The following PCDH15 variants were observed in gnomAD, a reference collection of about 807,000 sequenced individuals.
PCDH15 encodes the protein protocadherin related 15, also known as protocadherin-15.
PCDH15 carries 129 observed loss-of-function variants against 178.5 expected under a neutral mutation model. The ratio of observed to expected loss-of-function variants is 0.72; its 90% CI spans 0.63 to 0.84. The LOEUF is 0.84. Ranked by LOEUF, PCDH15 falls within the 40% of genes least tolerant of loss-of-function variation. The pLI is 0.00. For missense variants in PCDH15, 2,230 were observed against 2,099.9 expected (o/e 1.06, Z -1.21); for synonymous variants, 800 against 732.0 (o/e 1.09, Z -1.50).
chr10:54,644,728 A>G (rs1039580543), intron 2 of PCDH15, among the ~76,000 whole-genome samples: 1 of 152,130 alleles, frequency 6.6e-6, no homozygotes, highest in Admixed American at 6.6e-5. Flanking sequence ...TTATGGTTTC[A>G]ATATTTGCAT....
intron 1 of PCDH15, among the ~76,000 whole-genome samples, chr10:55,288,981 C>T (rs1046132714): frequency 6.6e-6 from 1 of 151,740 alleles, no homozygotes; most frequent in Non-Finnish European, 1.5e-5. Flanking sequence ...GCTTTTTGGT[C>T]AGCTATTTAA....
intron 2 of PCDH15, among the ~76,000 whole-genome samples, chr10:55,102,327 G>T (rs988777477): frequency 6.6e-6 from 1 of 151,892 alleles, no homozygotes; most frequent in Non-Finnish European, 1.5e-5. Flanking sequence ...CTTTCAGAGA[G>T]CCCATTAGAG....
rs182934292 is a variant in PCDH15 at position 55,157,889 on chromosome 10, C to G, written c.-80+8687G>C. Among the ~76,000 whole-genome samples, 6 of 151,838 alleles carry G rather than the reference C, an allele frequency of 4.0e-5. No homozygotes were observed. The South Asian group carries it at 6.2e-4, about 16-fold the overall frequency. ...TAAATGGGTGCAGCACACCAACATG[C>G]CACATGTATACATATGTAACAAACA... On this transcript the variant is annotated intron_variant, in intron 2 of 5. Transcript: ENST00000458638.
At chr10:55,078,770 A>T (rs1317942702) in intron 2 of PCDH15, among the ~76,000 whole-genome samples, 4 of 151,244 alleles carry the variant, frequency 2.6e-5, no homozygotes, top group African/African-American at 9.7e-5. Flanking sequence ...TTTATCCCTC[A>T]CCCCCTTCCC....
rs1057230614 is a variant in PCDH15 at position 54,296,014 on chromosome 10, G to A, written c.876+21257C>T. ...CAAAAAATTAGCCGGGCGTAGTGGC[G>A]GGCGCCTGTGGTCCCAGCTACTTGG... On this transcript the variant is annotated intron_variant, in intron 8 of 37. Coordinates refer to ENST00000644397, the MANE Select transcript of PCDH15 (RefSeq NM_001384140.1). Among the ~76,000 whole-genome samples, 14 of 149,908 alleles carry A rather than the reference G, an allele frequency of 9.3e-5. No homozygotes were observed. In the South Asian group the frequency reaches 1.3e-3, roughly 14 times the overall value.
chr10:53,892,412 C>G (rs143384420), intron 26 of PCDH15, among the ~76,000 whole-genome samples: 35 of 151,964 alleles, frequency 2.3e-4, no homozygotes, highest in Admixed American at 5.9e-4. Flanking sequence ...ATAAGTAATA[C>G]GAATTAAAGC....
chr10:54,520,189 C>T (rs1370829155), intron 3 of PCDH15, among the ~76,000 whole-genome samples: 3 of 152,084 alleles, frequency 2.0e-5, no homozygotes, highest in Non-Finnish European at 4.4e-5. Flanking sequence ...AAAGCAATGG[C>T]AACAAAAGCC....
intron 2 of PCDH15, among the ~76,000 whole-genome samples, chr10:55,470,455 T>C (rs576203763): frequency 6.6e-6 from 1 of 152,324 alleles, no homozygotes; most frequent in African/African-American, 2.4e-5. Context: ...TTCTTCCTTC[T>C]ATTTATTTTA....
intron 32 of PCDH15, chr10:53,821,838 C>T (rs2076287210): frequency 6.2e-7 from 1 of 1,611,312 alleles, no homozygotes; most frequent in East Asian, 2.2e-5. Context: ...GTTTGCCCGA[C>T]TAAAATAAGA....
At chr10:55,236,196 T>C (rs934941779) in intron 1 of PCDH15, among the ~76,000 whole-genome samples, 3 of 152,068 alleles carry the variant, frequency 2.0e-5, no homozygotes, top group African/African-American at 7.3e-5. Flanking sequence ...GCAGACGTCT[T>C]GTTGCATATT....
intron 25 of PCDH15, among the ~76,000 whole-genome samples, chr10:53,908,687 A>G (rs2082851470): frequency 6.6e-6 from 1 of 152,208 alleles, no homozygotes; most frequent in African/African-American, 2.4e-5. Context: ...TAAAAAACAT[A>G]CACTAGACTA....
chr10:54,744,022 C>CT (rs1462568071), intron 1 of PCDH15, among the ~76,000 whole-genome samples: 1 of 152,104 alleles, frequency 6.6e-6, no homozygotes, highest in Non-Finnish European at 1.5e-5. Flanking sequence ...GTCTAGATGA[C>CT]AAAAGCCTTT....
intron 3 of PCDH15, among the ~76,000 whole-genome samples, chr10:54,445,228 A>C (rs1589444358): frequency 6.6e-6 from 1 of 151,298 alleles, no homozygotes; most frequent in African/African-American, 2.4e-5. Context: ...GTATGTAAAA[A>C]TTTACCCATC....
intron 1 of PCDH15, among the ~76,000 whole-genome samples, chr10:55,171,851 G>T (rs991104333): frequency 2.0e-5 from 3 of 151,816 alleles, no homozygotes; most frequent in African/African-American, 4.8e-5. Context: ...ATGTTGAATG[G>T]CTAAATAGTA....
chr10:54,114,071 C>T (rs1010257179), intron 15 of PCDH15, among the ~76,000 whole-genome samples: 6 of 152,146 alleles, frequency 3.9e-5, no homozygotes, highest in Non-Finnish European at 8.8e-5. Flanking sequence ...TCCCACAACA[C>T]GTGGGGATTA....
At chr10:54,992,421 C>T (rs923511879) in intron 2 of PCDH15, among the ~76,000 whole-genome samples, 7 of 152,112 alleles carry the variant, frequency 4.6e-5, no homozygotes, top group African/African-American at 1.4e-4. Flanking sequence ...CAGACCCGCC[C>T]TCAGCAACAT....
chr10:54,999,655 C>T (rs1205787411), intron 2 of PCDH15, among the ~76,000 whole-genome samples: 1 of 152,174 alleles, frequency 6.6e-6, no homozygotes, highest in Non-Finnish European at 1.5e-5. Context: ...GCTCTGCCCC[C>T]TACTGAGTTG....
chr10:55,530,035 C>G (rs1841415096), intron 2 of PCDH15, among the ~76,000 whole-genome samples: 1 of 151,372 alleles, frequency 6.6e-6, no homozygotes. Context: ...AGTGAAGTCA[C>G]CTTTATTAAA....
At chr10:54,960,587 T>C (rs1037566246) in intron 2 of PCDH15, among the ~76,000 whole-genome samples, 2 of 152,144 alleles carry the variant, frequency 1.3e-5, no homozygotes, top group Admixed American at 1.3e-4. Flanking sequence ...AAAAAAAGAT[T>C]AAGTAACACC....
Sources: allele counts gnomAD v4.1 joint callset (sites outside exome capture counted in the v4.1 genomes callset), GRCh38; gene constraint gnomAD v4.1.1; transcripts MANE v1.5; gene names NCBI Gene and HGNC (gene_info 2026-07-23, HGNC 2026-07-21).